ZNF804B: variants seen among roughly 807,000 people sequenced by gnomAD.
The protein encoded by ZNF804B is zinc finger 804B.
Under a neutral mutation model 101.4 loss-of-function variants are expected in ZNF804B, and 80 were observed. The observed-to-expected ratio is 0.79, with a 90% CI of 0.66 to 0.95. ZNF804B has a LOEUF of 0.95. ZNF804B is among the 40% of genes least tolerant of loss of function. ZNF804B has a pLI of 0.00. For synonymous variants in ZNF804B, 622 were observed against 558.8 expected, an observed-to-expected ratio of 1.11 and a Z score of -1.59; for missense variants, 1,673 against 1,561.9, an observed-to-expected ratio of 1.07 and a Z score of -1.20.
intron 1 of ZNF804B, among the ~76,000 whole-genome samples, chr7:88,962,070 A>G (rs1793392828): frequency 6.6e-6 from 1 of 151,222 alleles, no homozygotes; most frequent in African/African-American, 2.4e-5. Context: ...GCCTAGTTTT[A>G]TTGTCAAAAT....
At chr7:89,115,235 T>C (rs1790290930) in intron 1 of ZNF804B, among the ~76,000 whole-genome samples, 1 of 152,230 alleles carries the variant, frequency 6.6e-6, no homozygotes, top group South Asian at 2.1e-4. Flanking sequence ...CCATTACCTC[T>C]GTCATCCACT....
chr7:88,822,175 T>C (rs959582637), intron 1 of ZNF804B, among the ~76,000 whole-genome samples: 2 of 152,176 alleles, frequency 1.3e-5, no homozygotes, highest in Admixed American at 6.6e-5. Flanking sequence ...TGCAACTATA[T>C]AGGAAAGATC....
At chr7:88,812,095 G>A (rs764278827) in intron 1 of ZNF804B, among the ~76,000 whole-genome samples, 1 of 152,190 alleles carries the variant, frequency 6.6e-6, no homozygotes, top group Non-Finnish European at 1.5e-5. Flanking sequence ...TTAAAATCAT[G>A]TAGGAGTGGT....
In ZNF804B at chr7:89,333,697, A is replaced by C; in HGVS notation, c.715A>C (p.Ser239Arg). 6.2e-7 allele frequency: 1 copy of C among 1,613,554 alleles called. No individual in the cohort carries two copies. ...ATTAGAATCTTCAGCATCAGTTTTCAGTGAGAACACAGAAGAAACCCATGA... is the reference window on the plus strand; with the variant it reads ...ATTAGAATCTTCAGCATCAGTTTTCCGTGAGAACACAGAAGAAACCCATGA... ...LKLESSASVF[S>R]ENTEETHDCN... The change falls in exon 4 of 4, where the codon AGT (serine) becomes CGT (arginine). Residue 239 changes from serine to arginine, a missense_variant. Physicochemically the swap from Ser to Arg is moderately radical, Grantham distance 110 (BLOSUM62 -1). Coordinates refer to ENST00000333190, the MANE Select transcript of ZNF804B (RefSeq NM_181646.5).
chr7:89,172,161 G>T (rs935828892), intron 1 of ZNF804B, among the ~76,000 whole-genome samples: 6 of 152,096 alleles, frequency 3.9e-5, no homozygotes, highest in Non-Finnish European at 1.5e-5. Context: ...ATGACACTCA[G>T]AGACCAATTG....
At chr7:89,036,808 C>T (rs1584088195) in intron 1 of ZNF804B, among the ~76,000 whole-genome samples, 2 of 152,108 alleles carry the variant, frequency 1.3e-5, no homozygotes, top group Admixed American at 6.6e-5. Flanking sequence ...GTTGGACTCA[C>T]TTCCAAGCTG....
chr7:89,186,411 T>A (rs1451719176), intron 1 of ZNF804B, among the ~76,000 whole-genome samples: 1 of 152,124 alleles, frequency 6.6e-6, no homozygotes, highest in Non-Finnish European at 1.5e-5. Context: ...GAAAAAGTCT[T>A]TGCTTGTTTG....
intron 1 of ZNF804B, among the ~76,000 whole-genome samples, chr7:89,180,945 G>A (rs1788287028): frequency 6.6e-6 from 1 of 150,632 alleles, no homozygotes; most frequent in African/African-American, 2.4e-5. Flanking sequence ...AAGTGAGATG[G>A]GGAGTCACCC....
chr7:88,856,900 G>A (rs1791569265), intron 1 of ZNF804B, among the ~76,000 whole-genome samples: 1 of 152,086 alleles, frequency 6.6e-6, no homozygotes, highest in Non-Finnish European at 1.5e-5. Context: ...TTTATATGCT[G>A]GATTACGTTT....
intron 2 of ZNF804B, among the ~76,000 whole-genome samples, chr7:89,282,117 T>C (rs887959742): frequency 6.8e-6 from 1 of 146,812 alleles, no homozygotes; most frequent in East Asian, 2.0e-4. Flanking sequence ...AGGAGAATGG[T>C]GTGAACCTGG....
intron 1 of ZNF804B, among the ~76,000 whole-genome samples, chr7:89,006,032 G>A (rs952069029): frequency 2.1e-4 from 32 of 152,120 alleles, no homozygotes; most frequent in African/African-American, 7.7e-4. Context: ...CAAAAATAAT[G>A]GTTTTTGTAA....
At chr7:88,993,835 G>A (rs1421286191) in intron 1 of ZNF804B, among the ~76,000 whole-genome samples, 1 of 151,898 alleles carries the variant, frequency 6.6e-6, no homozygotes, top group African/African-American at 2.4e-5. Flanking sequence ...ACTGGTCAGT[G>A]TGTATTCTGA....
chr7:88,837,313 A>C (rs556558208), intron 1 of ZNF804B, among the ~76,000 whole-genome samples: 27 of 152,130 alleles, frequency 1.8e-4, no homozygotes, highest in African/African-American at 6.5e-4. Flanking sequence ...GATAAAATTG[A>C]AGCTGTCAAA....
chr7:89,203,360 T>C (rs1012325426), intron 1 of ZNF804B, among the ~76,000 whole-genome samples: 1 of 152,174 alleles, frequency 6.6e-6, no homozygotes, highest in Non-Finnish European at 1.5e-5. Flanking sequence ...TTTTCTGACG[T>C]CACTTATCCA....
At chr7:88,807,793 A>G (rs1440813994) in intron 1 of ZNF804B, among the ~76,000 whole-genome samples, 2 of 152,216 alleles carry the variant, frequency 1.3e-5, no homozygotes, top group African/African-American at 4.8e-5. Context: ...AATTGTATCT[A>G]AAGTAAAATC....
intron 1 of ZNF804B, among the ~76,000 whole-genome samples, chr7:88,995,898 A>G (rs1210413033): frequency 3.9e-5 from 6 of 152,024 alleles, no homozygotes; most frequent in Non-Finnish European, 8.8e-5. Flanking sequence ...ACATGAGACA[A>G]TTCTCAGTTG....
At chr7:88,993,117 A>T (rs765447284) in intron 1 of ZNF804B, among the ~76,000 whole-genome samples, 1 of 152,022 alleles carries the variant, frequency 6.6e-6, no homozygotes, top group Admixed American at 6.6e-5. Flanking sequence ...TTCTTTATAT[A>T]TATGCTTTAT....
chr7:88,844,770 T>TTCATGCCAATC (rs1260031059), intron 1 of ZNF804B, among the ~76,000 whole-genome samples: 1 of 152,318 alleles, frequency 6.6e-6, no homozygotes, highest in African/African-American at 2.4e-5. Context: ...AATTTTCTGT[T>TTCATGCCAATC]TCATGCCAAT....
At chr7:89,255,417 A>T (rs1789613009) in intron 2 of ZNF804B, among the ~76,000 whole-genome samples, 1 of 152,220 alleles carries the variant, frequency 6.6e-6, no homozygotes, top group Non-Finnish European at 1.5e-5. Context: ...GAGATAGACA[A>T]GTAAAAAAAT....
Sources: allele counts gnomAD v4.1 joint callset (sites outside exome capture counted in the v4.1 genomes callset), GRCh38; gene constraint gnomAD v4.1.1; transcripts MANE v1.5; gene names NCBI Gene and HGNC (gene_info 2026-07-23, HGNC 2026-07-21).